FBXL7: variants seen among roughly 807,000 people sequenced by gnomAD.
The protein encoded by FBXL7 is F-box/LRR-repeat protein 7.
Under a neutral mutation model 38.3 loss-of-function variants are expected in FBXL7, and 12 were observed. That is an observed-to-expected ratio of 0.31 (90% CI 0.20 to 0.51). The LOEUF is 0.51. Ranked by LOEUF, FBXL7 falls within the 20% of genes least tolerant of loss-of-function variation. The pLI is 0.98. For missense variants in FBXL7, 567 were observed against 676.4 expected, an observed-to-expected ratio of 0.84 and a Z score of 1.79; for synonymous variants, 297 against 300.9, an observed-to-expected ratio of 0.99 and a Z score of 0.13.
rs756542388 is a variant in FBXL7 at position 15,615,964 on chromosome 5, T to G, written c.38-19T>G. ...TGAAATTACAAATCTCAAAAGCTGC[T>G]CATTCCTGTTTCTTCCAGGCAAAGG... On this transcript the variant is annotated intron_variant, in intron 1 of 3. Coordinates refer to ENST00000504595, the MANE Select transcript of FBXL7 (RefSeq NM_012304.5). 6.3e-7 allele frequency: 1 copy of G among 1,586,764 alleles called. No individual in the cohort carries two copies. The highest frequency in any genetic ancestry group is 1.1e-5 in the South Asian group (1 of 90,020).
rs1739216850 is a variant in FBXL7 at position 15,855,107 on chromosome 5, C to T, written c.128-72783C>T. Among the ~76,000 whole-genome samples, 3 of 152,054 alleles carry T rather than the reference C, an allele frequency of 2.0e-5. No homozygotes were observed. In the South Asian group the frequency reaches 6.2e-4, roughly 32 times the overall value. ...AAAACACTTAGCTTGAAAGTTTGCC[C>T]TGCTAATTTTCATAGAAAATTAAAG... On this transcript the variant is annotated intron_variant, in intron 2 of 3. Coordinates refer to ENST00000504595, the MANE Select transcript of FBXL7 (RefSeq NM_012304.5).
At chr5:15,931,223 G>A (rs2126464928) in intron 3 of FBXL7, among the ~76,000 whole-genome samples, 1 of 152,282 alleles carries the variant, frequency 6.6e-6, no homozygotes, top group East Asian at 1.9e-4. Flanking sequence ...ATAACGAGAG[G>A]AAGTGGTAAT....
chr5:15,642,634 C>T (rs1272962355), intron 2 of FBXL7, among the ~76,000 whole-genome samples: 2 of 152,306 alleles, frequency 1.3e-5, no homozygotes, highest in African/African-American at 2.4e-5. Flanking sequence ...TTGCTCTAGA[C>T]TCAGTGGGTT....
At chr5:15,867,798 T>C (rs1461454405) in intron 2 of FBXL7, among the ~76,000 whole-genome samples, 1 of 152,156 alleles carries the variant, frequency 6.6e-6, no homozygotes, top group Non-Finnish European at 1.5e-5. Context: ...TACCCACTGT[T>C]GCTGGCTTTA....
intron 2 of FBXL7, among the ~76,000 whole-genome samples, chr5:15,916,839 G>C (rs997334716): frequency 6.6e-6 from 1 of 152,202 alleles, no homozygotes; most frequent in African/African-American, 2.4e-5. Context: ...AATTTATAAA[G>C]ATGGGAGTAT....
chr5:15,501,825 T>C (rs1580339976), intron 1 of FBXL7: 2 of 845,994 alleles, frequency 2.4e-6, no homozygotes, highest in Non-Finnish European at 2.8e-6. Flanking sequence ...AGTCATTCTT[T>C]TTCCAGATCA....
At chr5:15,658,305 C>G (rs1363490853) in intron 2 of FBXL7, among the ~76,000 whole-genome samples, 3 of 152,138 alleles carry the variant, frequency 2.0e-5, no homozygotes, top group African/African-American at 7.2e-5. Flanking sequence ...GTGTTTGAAA[C>G]TAAGAATTTT....
At chr5:15,709,075 T>C (rs185056261) in intron 2 of FBXL7, among the ~76,000 whole-genome samples, 54 of 152,234 alleles carry the variant, frequency 3.5e-4, no homozygotes, top group African/African-American at 1.2e-3. Context: ...CAAGAGTGGG[T>C]TCCACTGAGA....
chr5:15,643,952 T>C (rs1226950195), intron 2 of FBXL7, among the ~76,000 whole-genome samples: 1 of 152,134 alleles, frequency 6.6e-6, no homozygotes, highest in African/African-American at 2.4e-5. Flanking sequence ...CCAAGATAAA[T>C]GATTTTTGAA....
At chr5:15,857,412 C>G (rs955851761) in intron 2 of FBXL7, among the ~76,000 whole-genome samples, 2 of 152,178 alleles carry the variant, frequency 1.3e-5, no homozygotes, top group African/African-American at 4.8e-5. Flanking sequence ...CAGAGAGAGC[C>G]TAAATGACGT....
chr5:15,870,492 A>T (rs962776616), intron 2 of FBXL7, among the ~76,000 whole-genome samples: 12 of 152,280 alleles, frequency 7.9e-5, no homozygotes, highest in African/African-American at 2.9e-4. Context: ...TACACCTGGA[A>T]GGAAGGAAAA....
At chr5:15,813,877 A>G (rs1737936508) in intron 2 of FBXL7, among the ~76,000 whole-genome samples, 1 of 152,236 alleles carries the variant, frequency 6.6e-6, no homozygotes, top group Non-Finnish European at 1.5e-5. Context: ...GCACAATGAG[A>G]TACCATCTCA....
chr5:15,731,235 A>G (rs1735575391), intron 2 of FBXL7, among the ~76,000 whole-genome samples: 1 of 152,178 alleles, frequency 6.6e-6, no homozygotes, highest in South Asian at 2.1e-4. Flanking sequence ...AAGACTGGGC[A>G]ATTTACAAAG....
At chr5:15,807,499 C>G (rs909262164) in intron 2 of FBXL7, among the ~76,000 whole-genome samples, 1 of 152,138 alleles carries the variant, frequency 6.6e-6, no homozygotes, top group Non-Finnish European at 1.5e-5. Context: ...AGAGATCATG[C>G]AGGGACAAAG....
intron 1 of FBXL7, among the ~76,000 whole-genome samples, chr5:15,521,252 A>G (rs1016889194): frequency 6.6e-6 from 1 of 152,250 alleles, no homozygotes; most frequent in African/African-American, 2.4e-5. Context: ...CACATAACAA[A>G]CACTGCTTAT....
intron 2 of FBXL7, among the ~76,000 whole-genome samples, chr5:15,881,996 G>A (rs1272046817): frequency 6.6e-6 from 1 of 152,162 alleles, no homozygotes; most frequent in African/African-American, 2.4e-5. Context: ...AGAGGGGACA[G>A]GCACTTCACA....
intron 2 of FBXL7, among the ~76,000 whole-genome samples, chr5:15,655,694 T>C (rs1464293785): frequency 4.6e-5 from 7 of 152,196 alleles, no homozygotes; most frequent in Non-Finnish European, 7.3e-5. Flanking sequence ...GTGTTAGCCA[T>C]TTCTTGCGGT....
chr5:15,685,047 G>C (rs1236159819), intron 2 of FBXL7, among the ~76,000 whole-genome samples: 1 of 151,618 alleles, frequency 6.6e-6, no homozygotes, highest in Non-Finnish European at 1.5e-5. Context: ...TTCTGCTTGT[G>C]ACATTTAGTA....
intron 2 of FBXL7, among the ~76,000 whole-genome samples, chr5:15,839,261 A>G (rs1387122727): frequency 6.6e-6 from 1 of 151,888 alleles, no homozygotes; most frequent in East Asian, 1.9e-4. Context: ...AAATTTATCT[A>G]TCATTTTGTG....
Sources: allele counts gnomAD v4.1 joint callset (sites outside exome capture counted in the v4.1 genomes callset), GRCh38; gene constraint gnomAD v4.1.1; transcripts MANE v1.5; gene names NCBI Gene and HGNC (gene_info 2026-07-23, HGNC 2026-07-21).